TRIO: variants seen among roughly 807,000 people sequenced by gnomAD.
TRIO encodes the protein triple functional domain protein.
In TRIO, 58 loss-of-function variants were observed where a neutral mutation model predicts 351.9. The observed-to-expected ratio is 0.16, with a 90% CI of 0.13 to 0.21. TRIO has a LOEUF of 0.21. TRIO is among the 10% of genes least tolerant of loss of function. The pLI, the probability that TRIO is intolerant of heterozygous loss-of-function variation, is 1.00. For synonymous variants in TRIO, 1,758 were observed against 1,595.7 expected (o/e 1.10, Z -2.42); for missense variants, 3,201 against 4,027.8 (o/e 0.79, Z 5.56).
chr5:14,209,718 C>G (rs933908069), intron 1 of TRIO, among the ~76,000 whole-genome samples: 2 of 152,162 alleles, frequency 1.3e-5, no homozygotes, highest in Non-Finnish European at 2.9e-5. Flanking sequence ...GTGCAGCACA[C>G]TTTTTTTCTT....
At chr5:14,238,240 C>A (rs1793900164) in intron 1 of TRIO, among the ~76,000 whole-genome samples, 1 of 152,228 alleles carries the variant, frequency 6.6e-6, no homozygotes, top group Non-Finnish European at 1.5e-5. Context: ...GAACTGACTA[C>A]TGCATGCTGG....
chr5:14,484,456 A>T (rs1191492773), intron 46 of TRIO, among the ~76,000 whole-genome samples: 1 of 152,310 alleles, frequency 6.6e-6, no homozygotes, highest in African/African-American at 2.4e-5. Context: ...TTCCCCATGT[A>T]CCTGAGTTAA....
chr5:14,343,015 A>G (rs1742076241), intron 11 of TRIO, among the ~76,000 whole-genome samples: 1 of 151,734 alleles, frequency 6.6e-6, no homozygotes, highest in African/African-American at 2.4e-5. Context: ...CAAAGATGTC[A>G]TATCTTTAAA....
chr5:14,289,530 A>C (rs1736730601), intron 4 of TRIO, among the ~76,000 whole-genome samples: 1 of 150,504 alleles, frequency 6.6e-6, no homozygotes, highest in African/African-American at 2.5e-5. Context: ...TCTGGAAGAC[A>C]GAGCATGACC....
intron 1 of TRIO, among the ~76,000 whole-genome samples, chr5:14,187,993 G>A (rs1324785041): frequency 1.3e-5 from 2 of 152,166 alleles, no homozygotes; most frequent in African/African-American, 2.4e-5. Flanking sequence ...TGGGAAACCC[G>A]GATGTCTTTG....
intron 8 of TRIO, among the ~76,000 whole-genome samples, chr5:14,312,110 G>A (rs918952292): frequency 6.6e-6 from 1 of 152,152 alleles, no homozygotes; most frequent in African/African-American, 2.4e-5. Flanking sequence ...TGCTGGAAAC[G>A]CTCAGCCCTC....
At chr5:14,348,565 T>C (rs1257747070) in intron 11 of TRIO, among the ~76,000 whole-genome samples, 2 of 152,228 alleles carry the variant, frequency 1.3e-5, no homozygotes, top group Non-Finnish European at 2.9e-5. Flanking sequence ...CATCAGCATG[T>C]TTTTCCTGCG....
intron 31 of TRIO, among the ~76,000 whole-genome samples, chr5:14,402,129 G>A (rs996248864): frequency 3.3e-5 from 5 of 152,164 alleles, no homozygotes; most frequent in Admixed American, 2.0e-4. Context: ...CAGTTGCACC[G>A]ATAGCTAAAT....
chr5:14,253,307 G>A (rs1440388633), intron 1 of TRIO, among the ~76,000 whole-genome samples: 1 of 152,236 alleles, frequency 6.6e-6, no homozygotes, highest in Admixed American at 6.5e-5. Flanking sequence ...TAGTACGTGT[G>A]TAATTTAGGA....
chr5:14,418,523 T>C (rs1444525591), intron 33 of TRIO, among the ~76,000 whole-genome samples: 1 of 152,044 alleles, frequency 6.6e-6, no homozygotes, highest in African/African-American at 2.4e-5. Context: ...AGTGACTTGA[T>C]GGTGATACTG....
intron 35 of TRIO, among the ~76,000 whole-genome samples, chr5:14,461,579 C>G (rs1753815030): frequency 6.6e-6 from 1 of 152,178 alleles, no homozygotes; most frequent in Admixed American, 6.5e-5. Flanking sequence ...CGCCCCAGGC[C>G]CAGTCAGCCC....
At chr5:14,416,630 C>T (rs1749667093) in intron 33 of TRIO, among the ~76,000 whole-genome samples, 1 of 152,300 alleles carries the variant, frequency 6.6e-6, no homozygotes, top group African/African-American at 2.4e-5. Context: ...TATGTGCTGT[C>T]AAGTACACAG....
intron 1 of TRIO, among the ~76,000 whole-genome samples, chr5:14,218,727 G>T (rs1278095253): frequency 2.0e-5 from 3 of 152,228 alleles, no homozygotes; most frequent in Non-Finnish European, 4.4e-5. Context: ...AGCCTGTGCA[G>T]CCAGGGCTAT....
intron 7 of TRIO, among the ~76,000 whole-genome samples, chr5:14,301,694 A>G (rs42204): frequency 0.87 from 132,010 of 152,222 alleles, 57,738 homozygotes; most frequent in African/African-American, 0.96. Flanking sequence ...GTTGAATTTC[A>G]ACACCAAACT....
intron 36 of TRIO, 59 bp from the exon 37 acceptor site, chr5:14,465,486 G>C: frequency 6.5e-7 from 1 of 1,540,474 alleles, no homozygotes; most frequent in Non-Finnish European, 9.0e-7. Context: ...TTTACTGTCT[G>C]ACCAGTTACT....
intron 40 of TRIO, among the ~76,000 whole-genome samples, chr5:14,475,504 T>C (rs1755006435): frequency 1.3e-5 from 2 of 152,240 alleles, no homozygotes; most frequent in Non-Finnish European, 2.9e-5. Flanking sequence ...AGTGTTGTTA[T>C]TTCTGTGCTT....
chr5:14,145,368 A>T (rs201550348), intron 1 of TRIO, among the ~76,000 whole-genome samples: 1 of 152,080 alleles, frequency 6.6e-6, no homozygotes, highest in African/African-American at 2.4e-5. Context: ...TGTGGCTGGG[A>T]GTGACACAGC....
At chr5:14,350,360 G>A (rs1742946618) in intron 11 of TRIO, among the ~76,000 whole-genome samples, 2 of 152,166 alleles carry the variant, frequency 1.3e-5, no homozygotes, top group African/African-American at 4.8e-5. Context: ...AACAACTTTT[G>A]TTGAAGAGAG....
At position 14,143,620 on chromosome 5, in the gene TRIO, G is replaced by T; in HGVS notation, c.-106G>T. ...GGCTCTGCGTCCGCGCGCCGGGCGC[G>T]GGCAGCTGGGTGCTCGGCGCCGCCA... On this transcript the variant is annotated 5_prime_UTR_variant, in exon 1 of 57. Transcript: ENST00000344204. 4 of 360,510 alleles carry T rather than the reference G, an allele frequency of 1.1e-5. No homozygotes were observed. Among genetic ancestry groups the T allele is most frequent in the Non-Finnish European group, 1.5e-5 (4 of 261,844 alleles). 22.3% of individuals were successfully genotyped at this position (360,510 alleles called of 1,614,324 possible).
Sources: allele counts gnomAD v4.1 joint callset (sites outside exome capture counted in the v4.1 genomes callset), GRCh38; gene constraint gnomAD v4.1.1; transcripts MANE v1.5; gene names NCBI Gene and HGNC (gene_info 2026-07-23, HGNC 2026-07-21).